GFPT1: variants seen among roughly 807,000 people sequenced by gnomAD.
GFPT1 encodes the protein glutamine--fructose-6-phosphate aminotransferase [isomerizing] 1.
A neutral mutation model predicts 92.0 loss-of-function variants in GFPT1; 40 were observed. The observed-to-expected ratio is 0.43, with a 90% confidence interval of 0.34 to 0.57. The LOEUF (loss-of-function observed/expected upper bound fraction) is 0.57. GFPT1 is among the 20% of genes least tolerant of loss of function. The pLI, the probability that GFPT1 is intolerant of heterozygous loss-of-function variation, is 0.02. For missense variants in GFPT1, 448 were observed against 869.1 expected, an observed-to-expected ratio of 0.52 and a Z score of 6.09; for synonymous variants, 269 against 280.6, an observed-to-expected ratio of 0.96 and a Z score of 0.41.
At chr2:69,381,230 G>A (rs573612526) in intron 1 of GFPT1, among the ~76,000 whole-genome samples, 20 of 152,238 alleles carry the variant, frequency 1.3e-4, no homozygotes, top group African/African-American at 3.6e-4. Context: ...TGATCTGCCC[G>A]CCTCGGCCTC....
At position 69,321,431 on chromosome 2, in the gene GFPT1, T is replaced by G. The variant is rs1670401039; in HGVS notation, c.*4758A>C. 1 of 152,248 alleles carries G rather than the reference T, an allele frequency of 6.6e-6. No homozygotes were observed. Among genetic ancestry groups the G allele is most frequent in the African/African-American group, 2.4e-5 (1 of 41,464 alleles). 9.4% of individuals were successfully genotyped at this position (152,248 alleles called of 1,614,324 possible). ...AAATGTTTACAACTAAAGTAGACAT[T>G]GATTACATTCTTAGTACAATACAAT... On this transcript the variant is annotated 3_prime_UTR_variant, in exon 20 of 20. Transcript: ENST00000357308.
chr2:69,382,724 C>T (rs768282620), intron 1 of GFPT1, among the ~76,000 whole-genome samples: 15 of 152,138 alleles, frequency 9.9e-5, no homozygotes, highest in East Asian at 1.9e-4. Flanking sequence ...CATTCACTGA[C>T]GGTTAACATA....
chr2:69,344,973 T>G (rs1671049907), intron 12 of GFPT1, among the ~76,000 whole-genome samples: 1 of 152,138 alleles, frequency 6.6e-6, no homozygotes, highest in East Asian at 1.9e-4. Flanking sequence ...AAAGTTTGTC[T>G]CATTTTCTTC....
rs536344020 is a variant in GFPT1 at position 69,340,113 on chromosome 2, AAT to A, written c.1204-1550_1204-1549del. 2.0e-4 allele frequency among the ~76,000 whole-genome samples: 31 copies of A among 151,378 alleles called. No individual in the cohort carries two copies. In the South Asian group the frequency reaches 6.4e-3, roughly 31 times the overall value. Reference sequence around the variant, plus strand: ...ATCTCAAGATTTATCTGTGCTAATTAATAGTTTATTATTTTAGTTGGGGCAAC... The same window carrying A: ...ATCTCAAGATTTATCTGTGCTAATTAAGTTTATTATTTTAGTTGGGGCAAC... On this transcript the variant is annotated intron_variant, in intron 13 of 19. Coordinates refer to ENST00000357308, the MANE Select transcript of GFPT1 (RefSeq NM_001244710.2).
At chr2:69,338,358 T>C in intron 14 of GFPT1, 87 bp downstream of exon 14, 1 of 1,135,886 alleles carries the variant, frequency 8.8e-7, no homozygotes. Flanking sequence ...TGCCAGTTTA[T>C]CTTTAAATAT....
At chr2:69,363,138 C>A (rs1387983423) in intron 4 of GFPT1, among the ~76,000 whole-genome samples, 1 of 152,154 alleles carries the variant, frequency 6.6e-6, no homozygotes, top group Non-Finnish European at 1.5e-5. Context: ...ATTCTGTTGT[C>A]CAGGTTGGAG....
intron 3 of GFPT1, 89 bp downstream of exon 3, chr2:69,369,912 T>C: frequency 4.9e-6 from 4 of 816,352 alleles, no homozygotes; most frequent in Middle Eastern, 2.3e-4. Flanking sequence ...GGTCCCAAAA[T>C]ATGGGGGGAG....
At chr2:69,367,896 T>C (rs563225397) in intron 3 of GFPT1, among the ~76,000 whole-genome samples, 1 of 152,346 alleles carries the variant, frequency 6.6e-6, no homozygotes, top group African/African-American at 2.4e-5. Context: ...TCTACAAGTT[T>C]CCATTTGTAG....
chr2:69,370,565 A>G (rs891116028), intron 2 of GFPT1, among the ~76,000 whole-genome samples: 2 of 152,234 alleles, frequency 1.3e-5, no homozygotes, highest in Admixed American at 6.5e-5. Context: ...TTAAGCAGAG[A>G]AGTGATTCGG....
At position 69,351,932 on chromosome 2, in the gene GFPT1, T is replaced by C. The variant is rs568959682; in HGVS notation, c.740-1749A>G. Among the ~76,000 whole-genome samples, 15 of 152,240 alleles carry C rather than the reference T, an allele frequency of 9.9e-5. No homozygotes were observed. In the East Asian group the frequency reaches 2.9e-3, roughly 29 times the overall value. The stretch of plus-strand genomic sequence containing the variant: ...GCAATTTCGCATCTGACAAAATTGG[T>C]GAAACTACATGAAAAAGAGTAAATA... On this transcript the variant is annotated intron_variant, in intron 9 of 19. Transcript: ENST00000357308.
chr2:69,325,617 T>C lies in GFPT1; in HGVS notation c.*572A>G, dbSNP rs1670509389. 1 of 152,494 alleles carries C rather than the reference T, an allele frequency of 6.6e-6. No individual in the cohort carries two copies. 9.4% of individuals were successfully genotyped at this position (152,494 alleles called of 1,614,324 possible). Reference sequence around the variant, plus strand: ...ATAATAGACAACAAGTCTGAGAAACTAAGGCTAACCAAACTTAGATATAAA... The same window carrying C: ...ATAATAGACAACAAGTCTGAGAAACCAAGGCTAACCAAACTTAGATATAAA... On this transcript the variant is annotated 3_prime_UTR_variant, in exon 20 of 20. Coordinates refer to ENST00000357308, the MANE Select transcript of GFPT1 (RefSeq NM_001244710.2).
At chr2:69,328,701 C>CTTTTTT (rs10634143) in intron 17 of GFPT1, among the ~76,000 whole-genome samples, 1 of 136,210 alleles carries the variant, frequency 7.3e-6, no homozygotes, top group African/African-American at 2.8e-5. Flanking sequence ...CTGGTTAACC[C>CTTTTTT]TTTTTTTTTT....
intron 15 of GFPT1, 145 bp from the exon 16 acceptor site, chr2:69,329,943 C>A: frequency 2.9e-6 from 2 of 687,946 alleles, no homozygotes; most frequent in Admixed American, 2.0e-5. Context: ...TAGGGCCAAG[C>A]ATGGTGGCTC....
At chr2:69,363,725 CT>C in intron 3 of GFPT1, 55 bp from the exon 4 acceptor site, 1 of 1,193,374 alleles carries the variant, frequency 8.4e-7, no homozygotes, top group Non-Finnish European at 1.2e-6. Context: ...AGAGATAATG[CT>C]ATAAGCTATA....
intron 1 of GFPT1, among the ~76,000 whole-genome samples, chr2:69,386,024 C>T (rs1453696936): frequency 2.5e-5 from 3 of 118,220 alleles, no homozygotes; most frequent in Non-Finnish European, 3.6e-5. Context: ...TGGTACTTCC[C>T]TTTAAAAAAA....
chr2:69,383,810 T>C (rs1440051048), intron 1 of GFPT1, among the ~76,000 whole-genome samples: 2 of 152,112 alleles, frequency 1.3e-5, no homozygotes, highest in Admixed American at 1.3e-4. Context: ...GGATTTTTAG[T>C]AGAGACAGGG....
At chr2:69,369,916 G>C in intron 3 of GFPT1, 85 bp downstream of exon 3, 1 of 824,756 alleles carries the variant, frequency 1.2e-6, no homozygotes, top group South Asian at 1.3e-5. Context: ...CCAAAATATG[G>C]GGGGAGGGAG....
At chr2:69,384,693 C>CAAAAAAAAAAAAAAA (rs71964630) in intron 1 of GFPT1, among the ~76,000 whole-genome samples, 24 of 106,552 alleles carry the variant, frequency 2.3e-4, no homozygotes, top group Middle Eastern at 4.8e-3. Context: ...GGCCCCGTCA[C>CAAAAAAAAAAAAAAA]AAAAAAAAAA....
At chr2:69,328,171 ATGAGTTAACACGTGTAAACATGT>A in intron 18 of GFPT1, 77 bp downstream of exon 18, 1 of 893,848 alleles carries the variant, frequency 1.1e-6, no homozygotes, top group African/African-American at 1.6e-5. Context: ...TCCAAAGTAA[ATGAGTTAACACGTGTAAACATGT>A]TTTGTAAGTC....
Sources: allele counts gnomAD v4.1 joint callset (sites outside exome capture counted in the v4.1 genomes callset), GRCh38; gene constraint gnomAD v4.1.1; transcripts MANE v1.5; gene names NCBI Gene and HGNC (gene_info 2026-07-23, HGNC 2026-07-21).